Variants in RAB38 observed in about 807,000 individuals in gnomAD.
RAB38 encodes the protein ras-related protein Rab-38.
RAB38 carries 15 observed loss-of-function variants against 18.4 expected under a neutral mutation model. The observed-to-expected ratio is 0.82, with a 90% CI of 0.55 to 1.26. RAB38 has a LOEUF of 1.26. Among genes scored for constraint, RAB38 ranks in the 50% most tolerant of loss-of-function variants. RAB38 has a pLI of 0.00. For missense variants in RAB38, 294 were observed against 267.4 expected (o/e 1.10, Z -0.69); for synonymous variants, 101 against 104.4 (o/e 0.97, Z 0.20).
chr11:87,972,225 A>T, the RAB38 span, among the ~76,000 whole-genome samples: 1 of 152,080 alleles, frequency 6.6e-6, no homozygotes, highest in East Asian at 1.9e-4. Context: ...CTTAGCCCAC[A>T]TAGCAAGGTG....
At chr11:88,098,027 A>G in the RAB38 span, 1 of 151,920 alleles carries the variant, frequency 6.6e-6, no homozygotes, top group Non-Finnish European at 1.5e-5. Context: ...ATCAAGGGGA[A>G]TGGTTAAACA....
At chr11:88,142,276 C>T (rs1400397514) in intron 2 of RAB38, among the ~76,000 whole-genome samples, 1 of 152,228 alleles carries the variant, frequency 6.6e-6, no homozygotes, top group East Asian at 1.9e-4. Flanking sequence ...GTCCCTTAAT[C>T]ATACCACAAC....
the RAB38 span, among the ~76,000 whole-genome samples, chr11:87,939,379 TAC>T: frequency 0.021 from 3,007 of 146,124 alleles, 71 homozygotes; most frequent in African/African-American, 0.056. Context: ...CACACATACA[TAC>T]ACACACACAC....
chr11:87,806,060 T>C, the RAB38 span, among the ~76,000 whole-genome samples: 1 of 152,302 alleles, frequency 6.6e-6, no homozygotes, highest in African/African-American at 2.4e-5. Context: ...TGTAGCCTAG[T>C]CAGGTTGATA....
chr11:87,932,204 A>T, the RAB38 span, among the ~76,000 whole-genome samples: 1 of 152,176 alleles, frequency 6.6e-6, no homozygotes, highest in Non-Finnish European at 1.5e-5. Context: ...TGAGAGGTTG[A>T]TAGGTACAGC....
the RAB38 span, among the ~76,000 whole-genome samples, chr11:88,050,807 A>G: frequency 6.6e-6 from 1 of 152,222 alleles, no homozygotes; most frequent in Non-Finnish European, 1.5e-5. Context: ...GCATAGATCA[A>G]CTAGTTGAAG....
the RAB38 span, among the ~76,000 whole-genome samples, chr11:87,934,020 G>C: frequency 1.3e-5 from 2 of 152,078 alleles, no homozygotes; most frequent in African/African-American, 4.8e-5. Flanking sequence ...TACCATGTCT[G>C]GGTAGGGTGT....
chr11:88,016,360 T>C, the RAB38 span, among the ~76,000 whole-genome samples: 2 of 152,114 alleles, frequency 1.3e-5, no homozygotes, highest in African/African-American at 4.8e-5. Flanking sequence ...ATATTCTCAA[T>C]AATGTAAGTC....
intron 2 of RAB38, among the ~76,000 whole-genome samples, chr11:88,127,536 G>C (rs556973068): frequency 6.6e-6 from 1 of 152,302 alleles, no homozygotes; most frequent in Non-Finnish European, 1.5e-5. Flanking sequence ...TGTGGAAAGA[G>C]ACATTCATTA....
chr11:87,935,167 T>A, the RAB38 span, among the ~76,000 whole-genome samples: 429 of 152,228 alleles, frequency 2.8e-3, 1 homozygote, highest in Non-Finnish European at 5.0e-3. Flanking sequence ...TTACTGAAAG[T>A]TAAATATTAG....
the RAB38 span, among the ~76,000 whole-genome samples, chr11:87,935,639 C>T: frequency 1.3e-5 from 2 of 152,038 alleles, no homozygotes; most frequent in African/African-American, 4.8e-5. Flanking sequence ...GTGGTAACCT[C>T]TTGAAAACTT....
chr11:87,962,180 C>T, the RAB38 span, among the ~76,000 whole-genome samples: 7 of 152,024 alleles, frequency 4.6e-5, no homozygotes, highest in South Asian at 4.2e-4. Flanking sequence ...TGCCCTTTTC[C>T]GAAAGAAGGC....
At chr11:87,953,536 GCT>G in the RAB38 span, among the ~76,000 whole-genome samples, 1 of 150,470 alleles carries the variant, frequency 6.6e-6, no homozygotes, top group African/African-American at 2.5e-5. Context: ...GTGAATGTGG[GCT>G]CTCTTTGTCT....
At chr11:87,893,299 T>TGG in the RAB38 span, among the ~76,000 whole-genome samples, 8,897 of 144,688 alleles carry the variant, frequency 0.061, 367 homozygotes, top group Non-Finnish European at 0.09. Context: ...TGTGTGTGTG[T>TGG]GTGTATATAT....
chr11:88,100,915 C>T, the RAB38 span, among the ~76,000 whole-genome samples: 1 of 151,890 alleles, frequency 6.6e-6, no homozygotes, highest in African/African-American at 2.4e-5. Flanking sequence ...TGTCATAGTA[C>T]TTCTCCCCAA....
At chr11:88,056,607 A>G in the RAB38 span, among the ~76,000 whole-genome samples, 6 of 152,088 alleles carry the variant, frequency 3.9e-5, no homozygotes, top group Non-Finnish European at 8.8e-5. Context: ...GTTTGAGACC[A>G]TCCTGGCTAA....
the RAB38 span, among the ~76,000 whole-genome samples, chr11:88,064,172 A>T: frequency 6.6e-6 from 1 of 152,214 alleles, no homozygotes; most frequent in Non-Finnish European, 1.5e-5. Context: ...TTGGGTTATC[A>T]TCTTATGGAG....
chr11:87,818,186 A>C, the RAB38 span, among the ~76,000 whole-genome samples: 1 of 152,158 alleles, frequency 6.6e-6, no homozygotes, highest in Non-Finnish European at 1.5e-5. Context: ...TTTTCTAAAA[A>C]ATTCCTAGCT....
the RAB38 span, among the ~76,000 whole-genome samples, chr11:87,952,082 G>C: frequency 6.6e-6 from 1 of 152,076 alleles, no homozygotes; most frequent in Non-Finnish European, 1.5e-5. Flanking sequence ...AGAGGAAGCA[G>C]TGGGTAAGGT....
Sources: allele counts gnomAD v4.1 joint callset (sites outside exome capture counted in the v4.1 genomes callset), GRCh38; gene constraint gnomAD v4.1.1; transcripts MANE v1.5; gene names NCBI Gene and HGNC (gene_info 2026-07-23, HGNC 2026-07-21).